The following HSD3B7 variants were observed in gnomAD, a reference collection of about 807,000 sequenced individuals.
The protein encoded by HSD3B7 is hydroxy-delta-5-steroid dehydrogenase, 3 beta- and steroid delta-isomerase 7.
Under a neutral mutation model 34.3 loss-of-function variants are expected in HSD3B7, and 35 were observed. The observed-to-expected ratio is 1.02, with a 90% CI of 0.78 to 1.35. The LOEUF is 1.35. Ranked by LOEUF, HSD3B7 falls within the 40% of genes most tolerant of loss-of-function variation. HSD3B7 has a pLI of 0.00. For missense variants in HSD3B7, 426 were observed against 504.7 expected (o/e 0.84, Z 1.49); for synonymous variants, 217 against 220.1 (o/e 0.99, Z 0.13).
intron 5 of HSD3B7, 42 bp from the exon 6 acceptor site, chr16:30,986,798 T>A: frequency 6.2e-7 from 1 of 1,613,710 alleles, no homozygotes; most frequent in South Asian, 1.1e-5. Context: ...GAGAGCAAGC[T>A]GTCGGGTCCC....
At position 30,986,042 on chromosome 16, in the gene HSD3B7, C is replaced by A. The variant is rs143498420; in HGVS notation, c.167-7C>A. On this transcript the variant is annotated splice_region_variant and splice_polypyrimidine_tract_variant and intron_variant, in intron 2 of 6. Transcript: ENST00000297679. ...TGACATGGCCTGTGTCCTCCAACCCCGGCCAGGGCCTGTGAGGGTGACTGC... is the reference window on the plus strand; with the variant it reads ...TGACATGGCCTGTGTCCTCCAACCCAGGCCAGGGCCTGTGAGGGTGACTGC... 1 of 1,612,330 alleles carries A rather than the reference C, an allele frequency of 6.2e-7. No homozygotes were observed. The highest frequency in any genetic ancestry group is 1.7e-5 in the Admixed American group (1 of 60,012).
At position 30,985,413 on chromosome 16, in the gene HSD3B7, C is replaced by T. The variant is rs1261461821; in HGVS notation, c.-7+116C>T. On this transcript the variant is annotated intron_variant, in intron 1 of 6. Transcript: ENST00000297679. Reference sequence around the variant, plus strand: ...TCCTGGCCTCCCCACCCTTTTACTGCCTTCAAATCTCTCTCCCTAAACCCT... The same window carrying T: ...TCCTGGCCTCCCCACCCTTTTACTGTCTTCAAATCTCTCTCCCTAAACCCT... 6 of 1,404,248 alleles carry T rather than the reference C, an allele frequency of 4.3e-6. No homozygotes were observed. In the African/African-American group the frequency reaches 8.7e-5, roughly 20 times the overall value. 87.0% of individuals were successfully genotyped at this position (1,404,248 alleles called of 1,614,324 possible). A position where few individuals can be genotyped will look rare whatever the true frequency, so the allele number is the denominator to read the frequency against.
Position 30,986,958 on chromosome 16 carries a change from TC to T in HSD3B7, c.652del (p.Arg218GlyfsTer34). The T allele has an allele frequency of 3.1e-6, 5 of 1,613,382 alleles. No homozygotes were observed. The highest frequency in any genetic ancestry group is 4.2e-6 in the Non-Finnish European group (5 of 1,179,828). ...GGCCTGCGCCTGGGAGGTTGGCTCT[TC>T]CGGGCCATCCCGGCCTCTGTGGAGC... ...RQGLRLGGWL[F>X]RAIPASVEHG... On this transcript the variant is annotated frameshift_variant, in exon 6 of 7. Coordinates refer to ENST00000297679, the MANE Select transcript of HSD3B7 (RefSeq NM_025193.4). LOFTEE classifies it high-confidence loss of function.
At position 30,988,199 on chromosome 16, in the gene HSD3B7, C is replaced by T. The variant is rs1366375349; in HGVS notation, c.*16C>T. 1.3e-6 allele frequency: 2 copies of T among 1,579,188 alleles called. No homozygotes were observed. The highest frequency in any genetic ancestry group is 1.7e-6 in the Non-Finnish European group (2 of 1,168,584). On this transcript the variant is annotated 3_prime_UTR_variant, in exon 7 of 7. Coordinates refer to ENST00000297679, the MANE Select transcript of HSD3B7 (RefSeq NM_025193.4). ...AGCCCAGTGACGGTGGGGCTGGGGC[C>T]TGGAGGCCCAGATACAGCACATCCA... is the stretch of plus-strand genomic sequence containing the variant.
Position 30,987,960 on chromosome 16 carries a change from T to A in HSD3B7, c.887T>A (p.Val296Glu). The A allele has an allele frequency of 6.2e-7, 1 of 1,612,056 alleles. No homozygotes were observed. The highest frequency in any genetic ancestry group is 1.1e-5 in the South Asian group (1 of 91,088). ...ARPLLPYWLL[V>E]FLAALNALLQ... ...CCATTGCTGCCCTACTGGCTGCTGG[T>A]GTTCCTGGCTGCCCTCAATGCCCTG... is the stretch of plus-strand genomic sequence containing the variant. Residue 296 changes from valine to glutamate, a missense_variant, in exon 7 of 7, where the codon GTG (valine) becomes GAG (glutamate). Val to Glu is a moderately radical substitution (Grantham distance 121, BLOSUM62 -2). Coordinates refer to ENST00000297679, the MANE Select transcript of HSD3B7 (RefSeq NM_025193.4).
intron 6 of HSD3B7, 62 bp downstream of exon 6, chr16:30,987,064 G>A: frequency 6.5e-7 from 1 of 1,547,266 alleles, no homozygotes; most frequent in Admixed American, 1.8e-5. Context: ...CTCTAGAAGG[G>A]GGCAGGACCC....
chr16:30,987,683 AGAG>A, intron 6 of HSD3B7, 82 bp from the exon 7 acceptor site: 2 of 1,502,872 alleles, frequency 1.3e-6, no homozygotes, highest in Admixed American at 3.3e-5. Flanking sequence ...CTGGGCCCAA[AGAG>A]GGGGTGGCCC....
In HSD3B7 at chr16:30,985,472, T is replaced by C. The variant is rs571043809; in HGVS notation, c.-7+175T>C. 1.4e-5 allele frequency: 21 copies of C among 1,481,894 alleles called. 1 individual carries two copies. The South Asian group carries it at 2.5e-4, about 18-fold the overall frequency. 91.8% of individuals were successfully genotyped at this position (1,481,894 alleles called of 1,614,324 possible). A position where few individuals can be genotyped will look rare whatever the true frequency, so the allele number is the denominator to read the frequency against. On this transcript the variant is annotated intron_variant, in intron 1 of 6. Coordinates refer to ENST00000297679, the MANE Select transcript of HSD3B7 (RefSeq NM_025193.4). Reference sequence around the variant, plus strand: ...CCTGCACCCCAAGCCCGCCCCTCTCTCCGTAACTCAGCCATCAGCAGGGGC... The same window carrying C: ...CCTGCACCCCAAGCCCGCCCCTCTCCCCGTAACTCAGCCATCAGCAGGGGC...
At chr16:30,985,403 C>A in intron 1 of HSD3B7, 106 bp downstream of exon 1, 1 of 1,389,704 alleles carries the variant, frequency 7.2e-7, no homozygotes, top group East Asian at 2.8e-5. Flanking sequence ...GCCTCCCCAC[C>A]CTTTTACTGC....
At position 30,985,680 on chromosome 16, in the gene HSD3B7, C is replaced by T; in HGVS notation, c.22C>T (p.Gln8Ter). 6.2e-7 allele frequency: 1 copy of T among 1,607,510 alleles called. No individual in the cohort carries two copies. Among genetic ancestry groups the T allele is most frequent in the Non-Finnish European group, 8.5e-7 (1 of 1,179,294 alleles). The change falls in exon 2 of 7, where the codon CAG (glutamine) becomes TAG (stop). Residue 8 changes from glutamine to a stop codon, truncating the protein, a stop_gained. Coordinates refer to ENST00000297679, the MANE Select transcript of HSD3B7 (RefSeq NM_025193.4). LOFTEE classifies it high-confidence loss of function. ...AGGCATGGCCGACTCTGCACAGGCC[C>T]AGAAGCTGGTGTACCTGGTCACAGG... is the stretch of plus-strand genomic sequence containing the variant. MADSAQAQKLVYLVTGGC... is the reference protein window; with the variant it reads MADSAQA
chr16:30,985,942 G>A, intron 2 of HSD3B7, 107 bp from the exon 3 acceptor site: 1 of 1,576,000 alleles, frequency 6.3e-7, no homozygotes. Context: ...CACATGGATG[G>A]GTCGAGTGAG....
chr16:30,987,224 A>C (rs2056494830), intron 6 of HSD3B7: 16 of 584,294 alleles, frequency 2.7e-5, no homozygotes, highest in Non-Finnish European at 4.5e-5. Context: ...TAGGCTACAG[A>C]GAAGATTGCA....
rs2056464037 is a variant in HSD3B7 at position 30,985,835 on chromosome 16, G to T, written c.166+11G>T. 2 of 1,596,636 alleles carry T rather than the reference G, an allele frequency of 1.3e-6. No homozygotes were observed. The highest frequency in any genetic ancestry group is 2.3e-5 in the East Asian group (1 of 44,378). ...AGGAGCTGAAGACAGGTTCTTGTTG[G>T]GGGAGCTTGTGGTGGAGAGGGTGTG... On this transcript the variant is annotated intron_variant, in intron 2 of 6. Transcript: ENST00000297679.
rs779967686 is a variant in HSD3B7, at chr16:30,985,917, A to G, written c.166+93A>G. ...CCCCACCCCTGCAGTGGAACAGATG[A>G]TGCTGGTTTCTGTCCACATGGATGG... On this transcript the variant is annotated intron_variant, in intron 2 of 6. Transcript: ENST00000297679. The G allele has an allele frequency of 1.9e-6, 3 of 1,581,782 alleles. No homozygotes were observed. The Admixed American group carries it at 5.1e-5, about 27-fold the overall frequency.
Position 30,987,771 on chromosome 16 carries a change from A to G in HSD3B7, c.698A>G (p.Asn233Ser), listed in dbSNP as rs1177938301. The G allele has an allele frequency of 1.9e-6, 3 of 1,611,980 alleles. No individual in the cohort carries two copies. Among genetic ancestry groups the G allele is most frequent in the African/African-American group, 1.3e-5 (1 of 74,932 alleles). ...SVEHGRVYVG[N>S]VAWMHVLAAR... is the part of the protein sequence containing the mutation. ...GCCTCTCTTCCGCCACCGGCAGGCA[A>G]TGTTGCCTGGATGCACGTGCTGGCA... The change falls in exon 7 of 7, where the codon AAT becomes AGT. Residue 233 changes from asparagine to serine, a missense_variant. Physicochemically the swap from Asn to Ser is conservative, Grantham distance 46 (BLOSUM62 1). Coordinates refer to ENST00000297679, the MANE Select transcript of HSD3B7 (RefSeq NM_025193.4).
Position 30,986,451 on chromosome 16 carries a change from G to T in HSD3B7, c.351G>T (p.Val117=). 1 of 1,614,120 alleles carries T rather than the reference G, an allele frequency of 6.2e-7. No individual in the cohort carries two copies. The highest frequency in any genetic ancestry group is 1.1e-5 in the South Asian group (1 of 91,090). ...QGTRNVIEAC[V]QTGTRFLVYT... is the part of the protein sequence containing the mutation. ...CCCGGAACGTGATCGAGGCTTGTGT[G>T]CAGACCGGAACACGGTTCCTGGTCT... is the stretch of plus-strand genomic sequence containing the variant. The change falls in exon 4 of 7, where the codon GTG becomes GTT. Residue 117 remains valine (V), a synonymous_variant. Coordinates refer to ENST00000297679, the MANE Select transcript of HSD3B7 (RefSeq NM_025193.4).
intron 6 of HSD3B7, chr16:30,987,230 T>C (rs1337173183): frequency 3.5e-6 from 2 of 571,312 alleles, no homozygotes; most frequent in Non-Finnish European, 3.1e-6. Flanking sequence ...ACAGAGAAGA[T>C]TGCAGCTATG....
chr16:30,987,328 TC>T, intron 6 of HSD3B7: 1 of 435,356 alleles, frequency 2.3e-6, no homozygotes, highest in Non-Finnish European at 4.2e-6. Flanking sequence ...GCATCTATAA[TC>T]CCAGCACTTT....
intron 2 of HSD3B7, 66 bp from the exon 3 acceptor site, chr16:30,985,983 G>A (rs766253270): frequency 1.3e-6 from 2 of 1,593,244 alleles, no homozygotes; most frequent in Non-Finnish European, 1.7e-6. Flanking sequence ...CAGGGTGGAA[G>A]ATGAACCCAG....
Sources: gnomAD v4.1 joint callset for allele counts on GRCh38, gnomAD v4.1.1 for gene constraint, MANE v1.5 for transcripts, NCBI Gene and HGNC (gene_info 2026-07-23, HGNC 2026-07-21) for gene names.